RBM20: variants seen among roughly 807,000 people sequenced by gnomAD.
RBM20 encodes the protein RNA-binding protein 20.
RBM20 carries 51 observed loss-of-function variants against 110.1 expected under a neutral mutation model. The observed-to-expected ratio is 0.46, with a 90% CI of 0.37 to 0.59. The LOEUF is 0.59. Among genes scored for constraint, RBM20 ranks in the 20% least tolerant of loss-of-function variants. RBM20 has a pLI of 0.00. For missense variants in RBM20, 1,512 were observed against 1,574.9 expected (o/e 0.96, Z 0.68); for synonymous variants, 589 against 618.2 (o/e 0.95, Z 0.70).
chr10:110,772,282 G>A (rs567995386), intron 1 of RBM20, among the ~76,000 whole-genome samples: 1 of 152,270 alleles, frequency 6.6e-6, no homozygotes, highest in African/African-American at 2.4e-5. Flanking sequence ...AAATCTTCAG[G>A]GATATAGGTA....
chr10:110,669,098 A>G (rs1434411193), intron 1 of RBM20, among the ~76,000 whole-genome samples: 4 of 152,230 alleles, frequency 2.6e-5, no homozygotes, highest in African/African-American at 9.6e-5. Context: ...TTTTAAGCAG[A>G]GGAAAATCTT....
chr10:110,652,937 T>C (rs1312134153), intron 1 of RBM20, among the ~76,000 whole-genome samples: 3 of 152,200 alleles, frequency 2.0e-5, no homozygotes, highest in African/African-American at 7.2e-5. Context: ...GGGACTTTTA[T>C]GGGAGTGGCA....
intron 1 of RBM20, among the ~76,000 whole-genome samples, chr10:110,742,748 T>C (rs575737290): frequency 1.3e-5 from 2 of 152,346 alleles, no homozygotes; most frequent in South Asian, 4.1e-4. Flanking sequence ...GCTCACCTGT[T>C]TCAAAAGCAC....
chr10:110,742,652 A>G (rs1768172799), intron 1 of RBM20, among the ~76,000 whole-genome samples: 1 of 152,182 alleles, frequency 6.6e-6, no homozygotes, highest in Non-Finnish European at 1.5e-5. Context: ...TTCTTTTACA[A>G]AAGACAAAAT....
chr10:110,725,932 C>T (rs914181483), intron 1 of RBM20, among the ~76,000 whole-genome samples: 1 of 152,094 alleles, frequency 6.6e-6, no homozygotes, highest in Non-Finnish European at 1.5e-5. Context: ...CAGCCTCCTT[C>T]CTGCCCCCCT....
chr10:110,822,312 C>T (rs1034837439), intron 11 of RBM20: 59 of 416,762 alleles, frequency 1.4e-4, no homozygotes, highest in Middle Eastern at 1.3e-3. Flanking sequence ...GCTGTTATTT[C>T]TGTGATGGGG....
chr10:110,764,582 C>T (rs1844054343), intron 1 of RBM20, among the ~76,000 whole-genome samples: 1 of 152,248 alleles, frequency 6.6e-6, no homozygotes, highest in Non-Finnish European at 1.5e-5. Flanking sequence ...GGCGGGTATG[C>T]CGTGCTCAGG....
At chr10:110,685,798 A>G (rs899753564) in intron 1 of RBM20, among the ~76,000 whole-genome samples, 10 of 152,046 alleles carry the variant, frequency 6.6e-5, no homozygotes, top group African/African-American at 2.2e-4. Flanking sequence ...TCAGGGCAAG[A>G]CTTTTTTTTT....
chr10:110,680,446 G>T (rs1420146167), intron 1 of RBM20, among the ~76,000 whole-genome samples: 1 of 152,214 alleles, frequency 6.6e-6, no homozygotes, highest in Admixed American at 6.5e-5. Context: ...AAAGCTGGGG[G>T]AGGAGGAGCT....
intron 1 of RBM20, among the ~76,000 whole-genome samples, chr10:110,745,288 C>T (rs1843765932): frequency 6.6e-6 from 1 of 152,172 alleles, no homozygotes; most frequent in African/African-American, 2.4e-5. Context: ...GCTCCACATC[C>T]CAGGGATTTG....
chr10:110,644,648 AAGAAGGG>A lies in RBM20; in HGVS notation c.191+12_191+18del, dbSNP rs1861842845. 6.7e-7 allele frequency: 1 copy of A among 1,492,440 alleles called. No individual in the cohort carries two copies. Among genetic ancestry groups the A allele is most frequent in the Non-Finnish European group, 8.9e-7 (1 of 1,125,194 alleles). 92.4% of individuals were successfully genotyped at this position (1,492,440 alleles called of 1,614,324 possible). A position where few individuals can be genotyped will look rare whatever the true frequency, so the allele number is the denominator to read the frequency against. ...GGCCTACCCCAGATCATCCAAAAGT[AAGAAGGG>A]AGAAGGGAACAGGGACCACGGGTGC... On this transcript the variant is annotated splice_donor_5th_base_variant and intron_variant, in intron 1 of 13. Transcript: ENST00000369519. The surrounding 1 kb of genome is among the most constrained non-coding windows in gnomAD (Gnocchi z 4.3).
At chr10:110,768,807 A>G (rs1382160038) in intron 1 of RBM20, among the ~76,000 whole-genome samples, 1 of 152,196 alleles carries the variant, frequency 6.6e-6, no homozygotes, top group African/African-American at 2.4e-5. Flanking sequence ...CAGAAACTGT[A>G]TGTGTTCTCT....
chr10:110,644,350 G>T lies in RBM20; in HGVS notation c.-105G>T. The T allele has an allele frequency of 2.2e-6, 2 of 918,296 alleles. No homozygotes were observed. Among genetic ancestry groups the T allele is most frequent in the Non-Finnish European group, 3.0e-6 (2 of 670,210 alleles). 56.9% of individuals were successfully genotyped at this position (918,296 alleles called of 1,614,324 possible). A position where few individuals can be genotyped will look rare whatever the true frequency, so the allele number is the denominator to read the frequency against. On this transcript the variant is annotated 5_prime_UTR_variant, in exon 1 of 14. Transcript: ENST00000369519. The surrounding 1 kb of genome is among the most constrained non-coding windows in gnomAD (Gnocchi z 4.3). ...GTCTCCTCCCCGCGCCACCGGGAAGGACAAGGGGACTGGGCACGGGGACCC... is the reference window on the plus strand; with the variant it reads ...GTCTCCTCCCCGCGCCACCGGGAAGTACAAGGGGACTGGGCACGGGGACCC...
chr10:110,755,708 A>G (rs1843912242), intron 1 of RBM20, among the ~76,000 whole-genome samples: 1 of 152,168 alleles, frequency 6.6e-6, no homozygotes, highest in Admixed American at 6.5e-5. Flanking sequence ...TTGGGGGAAA[A>G]GGTGAGAGAC....
At chr10:110,801,427 CA>C (rs34583233) in intron 7 of RBM20, among the ~76,000 whole-genome samples, 29,371 of 134,566 alleles carry the variant, frequency 0.22, 3,186 homozygotes, top group East Asian at 0.4. Context: ...AACTCCGTCT[CA>C]AAAAAAAAAA....
rs35141404 is a variant in RBM20, at chr10:110,644,544, G to A, written c.90G>A (p.Arg30=). 239,332 of 1,526,416 alleles carry A rather than the reference G, an allele frequency of 0.16. 21,086 individuals carry two copies. The highest frequency in any genetic ancestry group is 0.38 in the African/African-American group (26,643 of 70,596). 94.6% of individuals were successfully genotyped at this position (1,526,416 alleles called of 1,614,324 possible). The change falls in exon 1 of 14, where the codon CGG becomes CGA. Residue 30 remains arginine (R), a synonymous_variant. Transcript: ENST00000369519. This position sits in a 1 kb window ranked among gnomAD's most constrained non-coding sequence, Gnocchi z 4.3. ...DRVACSVPGA[R]ASPAPSGPRG... ...TTGCCTGCAGTGTGCCTGGTGCCCG[G>A]GCGTCCCCGGCACCCTCCGGCCCGC...
At chr10:110,730,164 T>C (rs1843606087) in intron 1 of RBM20, among the ~76,000 whole-genome samples, 1 of 152,168 alleles carries the variant, frequency 6.6e-6, no homozygotes, top group Non-Finnish European at 1.5e-5. Flanking sequence ...CTCATCTGCC[T>C]TGTTAGCTCT....
chr10:110,812,685 A>C lies in RBM20; in HGVS notation c.2288A>C (p.Glu763Ala). ...KSREDGYYRK[E>A]PKAKSDKYLK... ...CGTGAAGACGGCTACTACCGGAAAG[A>C]GCCCAAAGCCAAGTCGGACAAGTAT... is the stretch of plus-strand genomic sequence containing the variant. The change falls in exon 9 of 14, where the codon GAG (glutamate) becomes GCG (alanine). Residue 763 changes from glutamate (E) to alanine (A), a missense_variant. This residue lies in a region of RBM20 where 1,149 missense variants were observed against 1,169.4 expected (regional missense o/e 0.98). Coordinates refer to ENST00000369519, the MANE Select transcript of RBM20 (RefSeq NM_001134363.3). 1.3e-6 allele frequency: 2 copies of C among 1,551,748 alleles called. No individual in the cohort carries two copies. Among genetic ancestry groups the C allele is most frequent in the Non-Finnish European group, 1.7e-6 (2 of 1,147,008 alleles).
At chr10:110,661,673 A>G (rs1289629648) in intron 1 of RBM20, among the ~76,000 whole-genome samples, 1 of 152,122 alleles carries the variant, frequency 6.6e-6, no homozygotes, top group Non-Finnish European at 1.5e-5. Flanking sequence ...GTGAATATGT[A>G]TTCATATTTG....
Sources: allele counts gnomAD v4.1 joint callset (sites outside exome capture counted in the v4.1 genomes callset), GRCh38; gene constraint gnomAD v4.1.1; regional missense constraint gnomAD v4.1.1; non-coding constraint Gnocchi (gnomAD v3.1); transcripts MANE v1.5; gene names NCBI Gene and HGNC (gene_info 2026-07-23, HGNC 2026-07-21).